The following CFAP299 variants were observed in gnomAD, a reference collection of about 807,000 sequenced individuals.
The protein encoded by CFAP299 is cilia- and flagella-associated protein 299.
CFAP299 carries 21 observed loss-of-function variants against 27.0 expected under a neutral mutation model. That is an observed-to-expected ratio of 0.78 (90% confidence interval 0.55 to 1.12). The LOEUF (loss-of-function observed/expected upper bound fraction) is 1.12. Ranked by LOEUF, CFAP299 falls within the 50% of genes most tolerant of loss-of-function variation. The probability of loss-of-function intolerance (pLI) is 0.00; values close to 1 mark genes in which losing one functional copy is unlikely to be tolerated. For synonymous variants in CFAP299, 104 were observed against 98.1 expected (o/e 1.06, Z -0.36); for missense variants, 310 against 276.6 (o/e 1.12, Z -0.86).
intron 3 of CFAP299, among the ~76,000 whole-genome samples, chr4:80,823,072 C>G (rs1395299736): frequency 6.6e-6 from 1 of 152,110 alleles, no homozygotes; most frequent in Non-Finnish European, 1.5e-5. Context: ...TGACCTGAAG[C>G]TGGAAAAAAG....
intron 2 of CFAP299, among the ~76,000 whole-genome samples, chr4:80,577,076 C>A (rs1029448988): frequency 4.6e-5 from 7 of 152,140 alleles, no homozygotes; most frequent in Admixed American, 1.3e-4. Context: ...CCAGTGAATT[C>A]TCATTGTTTT....
intron 2 of CFAP299, among the ~76,000 whole-genome samples, chr4:80,563,616 A>G (rs889735446): frequency 2.0e-5 from 3 of 152,014 alleles, no homozygotes; most frequent in African/African-American, 7.2e-5. Context: ...CAAATGAACA[A>G]TCTAGTGATG....
At chr4:80,387,561 C>T in intron 2 of CFAP299, 1 of 960,540 alleles carries the variant, frequency 1.0e-6, no homozygotes, top group Non-Finnish European at 1.7e-6. Context: ...CATCCTCCTG[C>T]CTACTGGGGT....
chr4:80,337,985 C>G (rs1722238549), intron 1 of CFAP299, among the ~76,000 whole-genome samples: 1 of 151,974 alleles, frequency 6.6e-6, no homozygotes, highest in Non-Finnish European at 1.5e-5. Flanking sequence ...TCATTGTGCA[C>G]TTAGGTCACA....
intron 3 of CFAP299, among the ~76,000 whole-genome samples, chr4:80,688,375 C>T (rs533674614): frequency 6.7e-6 from 1 of 150,186 alleles, no homozygotes; most frequent in African/African-American, 2.4e-5. Flanking sequence ...CAAGTGGGTC[C>T]CTGACCCCTG....
chr4:80,404,780 G>A (rs1216757020), intron 2 of CFAP299, among the ~76,000 whole-genome samples: 4 of 152,164 alleles, frequency 2.6e-5, no homozygotes, highest in South Asian at 2.1e-4. Flanking sequence ...CATGCTTTCA[G>A]TGTTTTGGAT....
chr4:80,888,831 A>G (rs1311322592), intron 4 of CFAP299, among the ~76,000 whole-genome samples: 2 of 151,964 alleles, frequency 1.3e-5, no homozygotes, highest in African/African-American at 4.8e-5. Flanking sequence ...TTTGGAAACT[A>G]TACAAACACA....
intron 3 of CFAP299, among the ~76,000 whole-genome samples, chr4:80,684,359 G>C (rs145914641): frequency 8.5e-5 from 13 of 152,126 alleles, no homozygotes; most frequent in Admixed American, 4.6e-4. Flanking sequence ...CGCCTCCCAG[G>C]TTCACACCAT....
At position 80,854,803 on chromosome 4, in the gene CFAP299, T is replaced by C. The variant is rs1427063372; in HGVS notation, c.334-15190T>C. 6.1e-5 allele frequency among the ~76,000 whole-genome samples: 8 copies of C among 130,796 alleles called. No individual in the cohort carries two copies. The East Asian group carries it at 1.5e-3, about 24-fold the overall frequency. The allele number at this position is 130,796 out of a possible 152,430, so 85.8% of individuals were successfully genotyped here. ...TTCTTTTTCTAGCCAAACTCAGCTG[T>C]TGCTATGAAAAAAAAAAAAAAAAAA... On this transcript the variant is annotated intron_variant, in intron 3 of 5. Transcript: ENST00000358105.
At chr4:80,873,906 C>A (rs997341617) in intron 4 of CFAP299, among the ~76,000 whole-genome samples, 1 of 152,120 alleles carries the variant, frequency 6.6e-6, no homozygotes, top group Non-Finnish European at 1.5e-5. Flanking sequence ...AATATTCATA[C>A]CCTTGACCAG....
At chr4:80,878,285 T>G (rs1328342340) in intron 4 of CFAP299, among the ~76,000 whole-genome samples, 2 of 152,146 alleles carry the variant, frequency 1.3e-5, no homozygotes, top group Non-Finnish European at 2.9e-5. Flanking sequence ...TGTTCCACAT[T>G]CTGAACTTGT....
At chr4:80,616,487 C>G (rs1388785555) in intron 3 of CFAP299, among the ~76,000 whole-genome samples, 1 of 151,870 alleles carries the variant, frequency 6.6e-6, no homozygotes, top group Non-Finnish European at 1.5e-5. Flanking sequence ...TAGAGATCAT[C>G]TAGTCCCAAC....
At chr4:80,436,509 A>G (rs551548813) in intron 2 of CFAP299, among the ~76,000 whole-genome samples, 2 of 152,154 alleles carry the variant, frequency 1.3e-5, no homozygotes, top group South Asian at 2.1e-4. Flanking sequence ...TCACCGTGTT[A>G]GCCAGGATGG....
chr4:80,639,278 G>A (rs1374014096), intron 3 of CFAP299, among the ~76,000 whole-genome samples: 2 of 152,160 alleles, frequency 1.3e-5, no homozygotes, highest in Non-Finnish European at 2.9e-5. Flanking sequence ...CCCTTAATGA[G>A]TAAAATACAA....
chr4:80,804,348 G>T (rs1035734222), intron 3 of CFAP299, among the ~76,000 whole-genome samples: 1 of 152,076 alleles, frequency 6.6e-6, no homozygotes, highest in Admixed American at 6.6e-5. Flanking sequence ...ATTCCAAGTA[G>T]CTTATATAAG....
chr4:80,736,903 G>A (rs1427781798), intron 3 of CFAP299, among the ~76,000 whole-genome samples: 1 of 152,070 alleles, frequency 6.6e-6, no homozygotes, highest in Non-Finnish European at 1.5e-5. Flanking sequence ...GCAAAGACTT[G>A]GAACCAACCC....
At chr4:80,476,192 C>A (rs1015981906) in intron 2 of CFAP299, among the ~76,000 whole-genome samples, 1 of 152,204 alleles carries the variant, frequency 6.6e-6, no homozygotes, top group Non-Finnish European at 1.5e-5. Context: ...TTCACCATCA[C>A]TCCCTGCCTT....
chr4:80,737,122 A>G (rs537944099), intron 3 of CFAP299, among the ~76,000 whole-genome samples: 17 of 137,492 alleles, frequency 1.2e-4, no homozygotes, highest in Admixed American at 8.8e-4. Flanking sequence ...ACGAGAACAC[A>G]TGGACACAGG....
At chr4:80,538,944 G>A (rs1272714123) in intron 2 of CFAP299, among the ~76,000 whole-genome samples, 1 of 152,160 alleles carries the variant, frequency 6.6e-6, no homozygotes, top group African/African-American at 2.4e-5. Flanking sequence ...AACATTTCTT[G>A]TGAATTCCTT....
Sources: gnomAD v4.1 joint callset for allele counts (sites outside exome capture counted in the v4.1 genomes callset) on GRCh38, gnomAD v4.1.1 for gene constraint, MANE v1.5 for transcripts, NCBI Gene and HGNC (gene_info 2026-07-23, HGNC 2026-07-21) for gene names.